Variants in FRMPD4 observed in about 807,000 individuals in gnomAD.
The protein encoded by FRMPD4 is FERM and PDZ domain containing 4.
Under a neutral mutation model 94.1 loss-of-function variants are expected in FRMPD4, and 22 were observed. The observed-to-expected ratio is 0.23, with a 90% CI of 0.17 to 0.33. The LOEUF (loss-of-function observed/expected upper bound fraction) is 0.33. FRMPD4 is among the 10% of genes least tolerant of loss of function. The pLI is 1.00. For synonymous variants in FRMPD4, 631 were observed against 548.6 expected, an observed-to-expected ratio of 1.15 and a Z score of -2.10; for missense variants, 1,111 against 1,339.9, an observed-to-expected ratio of 0.83 and a Z score of 2.67.
chrX:12,680,940 G>A (rs1023973419), intron 5 of FRMPD4, among the ~76,000 whole-genome samples: 2 of 111,013 alleles, frequency 1.8e-5, no homozygotes, highest in African/African-American at 3.3e-5. Context: ...TGATCCCTGG[G>A]AACACCATGG....
At chrX:12,612,472 G>T (rs1036848797) in intron 3 of FRMPD4, among the ~76,000 whole-genome samples, 1 of 112,442 alleles carries the variant, frequency 8.9e-6, no homozygotes, top group African/African-American at 3.2e-5. Flanking sequence ...AGTGATTTCA[G>T]TGCGTGACTA....
chrX:11,873,750 A>C (rs1289206161), intron 2 of FRMPD4, among the ~76,000 whole-genome samples: 1 of 110,832 alleles, frequency 9.0e-6, no homozygotes, highest in Non-Finnish European at 1.9e-5. Flanking sequence ...GCTAATTGTA[A>C]AATTTATATG....
intron 1 of FRMPD4, among the ~76,000 whole-genome samples, chrX:12,371,196 A>G (rs2056157914): frequency 8.9e-6 from 1 of 112,805 alleles, no homozygotes; most frequent in Admixed American, 9.4e-5. Context: ...GTTTTGTAGT[A>G]TCTGTATTTC....
intron 2 of FRMPD4, among the ~76,000 whole-genome samples, chrX:12,537,455 C>CTT (rs1376018517): frequency 2.3e-4 from 23 of 98,625 alleles, no homozygotes; most frequent in African/African-American, 6.8e-4. Flanking sequence ...TTTTTTTTTC[C>CTT]TTTTTTTTTT....
At chrX:12,228,086 T>C (rs1381176917) in intron 1 of FRMPD4, among the ~76,000 whole-genome samples, 2 of 112,597 alleles carry the variant, frequency 1.8e-5, no homozygotes, top group African/African-American at 6.5e-5. Context: ...AAAGTGTGTT[T>C]TGGGGAGCCC....
At chrX:12,478,190 A>C (rs774514497) in intron 1 of FRMPD4, among the ~76,000 whole-genome samples, 1 of 111,929 alleles carries the variant, frequency 8.9e-6, no homozygotes, top group South Asian at 3.8e-4. Context: ...TGCTCCCAGG[A>C]AGAAGGAGGT....
chrX:12,497,063 TGGAAAGGAAAG>T (rs1232338234), intron 1 of FRMPD4, among the ~76,000 whole-genome samples: 1 of 111,042 alleles, frequency 9.0e-6, no homozygotes, highest in Non-Finnish European at 1.9e-5. Context: ...GGAAGAAGAA[TGGAAAGGAAAG>T]GAAAAGGAAA....
chrX:12,721,218 T>C lies in FRMPD4; in HGVS notation c.4649T>C (p.Val1550Ala). The change falls in exon 17 of 17, where the codon GTG (valine) becomes GCG (alanine). Residue 1550 changes from valine (V) to alanine (A), a missense_variant. Physicochemically the swap from Val to Ala is moderately conservative, Grantham distance 64. Around this residue, in one of 8 missense-constraint regions of FRMPD4, gnomAD observed 551 missense variants for 591.6 expected, o/e 0.93. Transcript: ENST00000675598. ...MPEPSSPCLA[V>A]AIQKQRGELS... ...GAACCAAGCAGCCCATGCCTGGCTG[T>C]GGCGATTCAGAAGCAACGAGGGGAG... is the stretch of plus-strand genomic sequence containing the variant. 1 of 756,232 alleles carries C rather than the reference T, an allele frequency of 1.3e-6. No homozygotes were observed. The highest frequency in any genetic ancestry group is 6.7e-5 in the South Asian group (1 of 14,891). 62.3% of individuals were successfully genotyped at this position (756,232 alleles called of 1,213,427 possible). A position where few individuals can be genotyped will look rare whatever the true frequency, so the allele number is the denominator to read the frequency against.
chrX:11,905,856 A>T (rs1156477719), intron 3 of FRMPD4, among the ~76,000 whole-genome samples: 1 of 111,903 alleles, frequency 8.9e-6, no homozygotes, highest in East Asian at 2.8e-4. Context: ...AAGCACACAG[A>T]AAGTTTTTGA....
At chrX:12,041,094 C>T (rs187898767) in intron 3 of FRMPD4, among the ~76,000 whole-genome samples, 182 of 111,832 alleles carry the variant, frequency 1.6e-3, no homozygotes, top group African/African-American at 5.7e-3. Context: ...CTTTACCTTT[C>T]CCCCTTCCCT....
chrX:11,901,631 G>A (rs902910304), intron 3 of FRMPD4, among the ~76,000 whole-genome samples: 6 of 112,078 alleles, frequency 5.4e-5, no homozygotes, highest in African/African-American at 1.6e-4. Flanking sequence ...CTGCTGGATC[G>A]AATGGTAGAT....
At chrX:11,956,197 C>T (rs1187434702) in intron 3 of FRMPD4, among the ~76,000 whole-genome samples, 4 of 111,665 alleles carry the variant, frequency 3.6e-5, no homozygotes, top group East Asian at 2.8e-4. Context: ...CTGCTGTATC[C>T]GCCAAAATAG....
chrX:12,717,491 C>T lies in FRMPD4; in HGVS notation c.2675-10C>T, dbSNP rs765345632. ...TCCATTAATCAGTTCTTGTTTTTTA[C>T]GGCATGCAGGTGTAGCCATCTTGCG... On this transcript the variant is annotated splice_polypyrimidine_tract_variant and intron_variant, in intron 15 of 16. Coordinates refer to ENST00000675598, the MANE Select transcript of FRMPD4 (RefSeq NM_001368397.1). The T allele has an allele frequency of 2.3e-5, 26 of 1,141,219 alleles. No individual in the cohort carries two copies. The Admixed American group carries it at 2.9e-4, about 13-fold the overall frequency. The allele number at this position is 1,141,219 out of a possible 1,213,427, so 94.0% of individuals were successfully genotyped here.
At chrX:12,522,694 C>T (rs1418904611) in intron 2 of FRMPD4, among the ~76,000 whole-genome samples, 1 of 103,226 alleles carries the variant, frequency 9.7e-6, no homozygotes, top group Non-Finnish European at 1.9e-5. Flanking sequence ...CCTCTGCCTG[C>T]CTGATTCAAG....
chrX:12,243,154 T>C (rs2053901837), intron 1 of FRMPD4, among the ~76,000 whole-genome samples: 1 of 112,499 alleles, frequency 8.9e-6, no homozygotes, highest in Non-Finnish European at 1.9e-5. Flanking sequence ...AGTGTTGGGA[T>C]TACAGGTGTG....
chrX:12,548,035 A>G (rs2058496815), intron 2 of FRMPD4, among the ~76,000 whole-genome samples: 1 of 112,225 alleles, frequency 8.9e-6, no homozygotes, highest in Admixed American at 9.5e-5. Flanking sequence ...ATGTATCTTT[A>G]TTTCCCATAT....
chrX:12,515,195 A>G (rs1413307823), intron 2 of FRMPD4, among the ~76,000 whole-genome samples: 2 of 110,578 alleles, frequency 1.8e-5, no homozygotes, highest in African/African-American at 6.6e-5. Context: ...TCATGTCTCT[A>G]TCTCCTTCAG....
chrX:12,574,060 G>C lies in FRMPD4; in HGVS notation c.159-35661G>C, dbSNP rs1288030162. Among the ~76,000 whole-genome samples, 3 of 112,187 alleles carry C rather than the reference G, an allele frequency of 2.7e-5. No homozygotes were observed. In the Admixed American group the frequency reaches 2.8e-4, roughly 11 times the overall value. On this transcript the variant is annotated intron_variant, in intron 2 of 16. Coordinates refer to ENST00000675598, the MANE Select transcript of FRMPD4 (RefSeq NM_001368397.1). ...CTGTCACCCAGGCTGGAGTGCAGTGGCATGGTCTCAGCTCACTGCAACTTC... is the reference window on the plus strand; with the variant it reads ...CTGTCACCCAGGCTGGAGTGCAGTGCCATGGTCTCAGCTCACTGCAACTTC...
At chrX:12,018,738 G>A (rs1353091740) in intron 3 of FRMPD4, among the ~76,000 whole-genome samples, 1 of 111,677 alleles carries the variant, frequency 9.0e-6, no homozygotes, top group African/African-American at 3.3e-5. Context: ...TTGTTATAAA[G>A]AGACCAGTCA....
Sources: allele counts gnomAD v4.1 joint callset (sites outside exome capture counted in the v4.1 genomes callset), GRCh38; gene constraint gnomAD v4.1.1; regional missense constraint gnomAD v4.1.1; transcripts MANE v1.5; gene names NCBI Gene and HGNC (gene_info 2026-07-23, HGNC 2026-07-21).